The following RASA3 variants were observed in gnomAD, a reference collection of about 807,000 sequenced individuals.
The protein encoded by RASA3 is ras GTPase-activating protein 3.
A neutral mutation model predicts 110.0 loss-of-function variants in RASA3; 73 were observed. The observed-to-expected ratio is 0.66, with a 90% CI of 0.55 to 0.81. RASA3 has a LOEUF of 0.81. RASA3 is among the 30% of genes least tolerant of loss of function. The probability of loss-of-function intolerance (pLI) is 0.00; values close to 1 mark genes in which losing one functional copy is unlikely to be tolerated. For missense variants in RASA3, 976 were observed against 1,113.2 expected, an observed-to-expected ratio of 0.88 and a Z score of 1.75; for synonymous variants, 500 against 451.4, an observed-to-expected ratio of 1.11 and a Z score of -1.37.
intron 8 of RASA3, 75 bp downstream of exon 8, chr13:114,024,204 G>A: frequency 3.7e-6 from 5 of 1,348,738 alleles, no homozygotes; most frequent in Non-Finnish European, 5.3e-6. Flanking sequence ...CCTATATTTA[G>A]TAACAAAGAA....
At position 114,114,587 on chromosome 13, in the gene RASA3, G is replaced by C. The variant is rs1044210296; in HGVS notation, c.55+17848C>G. Among the ~76,000 whole-genome samples the C allele has an allele frequency of 2.0e-5, 3 of 151,442 alleles. No individual in the cohort carries two copies. The highest frequency in any genetic ancestry group is 2.9e-5 in the Non-Finnish European group (2 of 67,966). ...TTTACTTAAATAACAGCATATTCTC[G>C]TCTGGTCTTTAAACCACACAGGCCA... On this transcript the variant is annotated intron_variant, in intron 1 of 23. Transcript: ENST00000334062. This position sits in a 1 kb window ranked among gnomAD's most constrained non-coding sequence, Gnocchi z 4.8.
intron 21 of RASA3, 52 bp from the exon 22 acceptor site, chr13:113,992,640 C>A: frequency 7.8e-7 from 1 of 1,284,102 alleles, no homozygotes; most frequent in Non-Finnish European, 1.1e-6. Context: ...TTAAACGATG[C>A]TTTTAATAAT....
intron 22 of RASA3, among the ~76,000 whole-genome samples, chr13:113,982,444 C>A (rs1207850109): frequency 6.6e-6 from 1 of 152,248 alleles, no homozygotes; most frequent in Non-Finnish European, 1.5e-5. Context: ...ACCTACGCAC[C>A]GGGGCCACCT....
At position 114,132,386 on chromosome 13, in the gene RASA3, A is replaced by G. The variant is rs762183561; in HGVS notation, c.55+49T>C. On this transcript the variant is annotated intron_variant, in intron 1 of 23. Coordinates refer to ENST00000334062, the MANE Select transcript of RASA3 (RefSeq NM_007368.4). ...GGAGGGGAGGCGGGCGCGGGAGAGG[A>G]CAGGGTCGGGCCGGGGGGTCGGACG... The G allele has an allele frequency of 5.4e-6, 8 of 1,468,614 alleles. No homozygotes were observed. In the South Asian group the frequency reaches 9.2e-5, roughly 17 times the overall value. 91.0% of individuals were successfully genotyped at this position (1,468,614 alleles called of 1,614,324 possible).
Position 113,991,559 on chromosome 13 carries a change from T to C in RASA3, c.2245+926A>G, listed in dbSNP as rs375503987. 2.0e-5 allele frequency among the ~76,000 whole-genome samples: 3 copies of C among 152,202 alleles called. No individual in the cohort carries two copies. The East Asian group carries it at 5.8e-4, about 29-fold the overall frequency. The stretch of plus-strand genomic sequence containing the variant: ...GGGCTTTTCTTGTCTCTGCCTCTCC[T>C]GAATCACAGACCTCAAACCACTGTC... On this transcript the variant is annotated intron_variant, in intron 22 of 23. Transcript: ENST00000334062.
chr13:114,042,886 C>G (rs1285573931), intron 3 of RASA3, among the ~76,000 whole-genome samples: 2 of 152,218 alleles, frequency 1.3e-5, no homozygotes, highest in Non-Finnish European at 2.9e-5. Context: ...GCAGGTACCA[C>G]TCTGCACACC....
At chr13:114,128,269 C>A (rs1419091377) in intron 1 of RASA3, among the ~76,000 whole-genome samples, 2 of 152,246 alleles carry the variant, frequency 1.3e-5, no homozygotes, top group African/African-American at 4.8e-5. Context: ...TCACAAAACA[C>A]TTCTCTTACC....
At chr13:114,079,559 G>A (rs2079747817) in intron 1 of RASA3, among the ~76,000 whole-genome samples, 1 of 152,216 alleles carries the variant, frequency 6.6e-6, no homozygotes, top group African/African-American at 2.4e-5. Flanking sequence ...CTGAATAAAG[G>A]ATGAAGAGCC....
At chr13:114,091,573 C>G (rs182932759) in intron 1 of RASA3, among the ~76,000 whole-genome samples, 14 of 151,220 alleles carry the variant, frequency 9.3e-5, no homozygotes, top group African/African-American at 3.4e-4. Context: ...ACCTGTCATG[C>G]TGAATGGTCT....
chr13:114,117,216 G>A (rs1289296606), intron 1 of RASA3, among the ~76,000 whole-genome samples: 3 of 92,964 alleles, frequency 3.2e-5, no homozygotes, highest in East Asian at 3.2e-4. Context: ...AGGGGTGCAC[G>A]TGTGTGAGGG....
Position 114,011,150 on chromosome 13 carries a change from A to C in RASA3, c.1590+21T>G, listed in dbSNP as rs767676802. ...AGAATCAGTTGTCCCTAAAAAGAGA[A>C]AATGAAGAAGAGGGACTCACAGATT... On this transcript the variant is annotated intron_variant, in intron 16 of 23. Coordinates refer to ENST00000334062, the MANE Select transcript of RASA3 (RefSeq NM_007368.4). This position sits in a 1 kb window ranked among gnomAD's most constrained non-coding sequence, Gnocchi z 4.8. 8 of 1,586,496 alleles carry C rather than the reference A, an allele frequency of 5.0e-6. No homozygotes were observed. The East Asian group carries it at 1.3e-4, about 27-fold the overall frequency.
At chr13:114,077,918 C>G in intron 1 of RASA3, 9 of 985,150 alleles carry the variant, frequency 9.1e-6, no homozygotes, top group Non-Finnish European at 1.1e-5. Flanking sequence ...GCCCATTTCC[C>G]TGCCTCAGGC....
chr13:114,079,383 C>A (rs1594434386), intron 1 of RASA3, among the ~76,000 whole-genome samples: 2 of 152,198 alleles, frequency 1.3e-5, no homozygotes, highest in Admixed American at 6.5e-5. Context: ...GGGAAGGAGA[C>A]CCTGCGGGAG....
chr13:114,036,804 T>C (rs868733968), intron 4 of RASA3, among the ~76,000 whole-genome samples: 1 of 152,180 alleles, frequency 6.6e-6, no homozygotes, highest in Non-Finnish European at 1.5e-5. Flanking sequence ...CCCAAAGTGC[T>C]GGAATTACAA....
At chr13:114,027,773 T>C (rs2054054103) in intron 6 of RASA3, 74 bp downstream of exon 6, 1 of 1,438,716 alleles carries the variant, frequency 7.0e-7, no homozygotes. Flanking sequence ...AATGAGGCAG[T>C]GGTCTCGTGA....
Position 114,018,935 on chromosome 13 carries a change from A to G in RASA3, c.786-16T>C, listed in dbSNP as rs746901658. 6.2e-7 allele frequency: 1 copy of G among 1,613,052 alleles called. No individual in the cohort carries two copies. The highest frequency in any genetic ancestry group is 8.5e-7 in the Non-Finnish European group (1 of 1,179,830). ...GAGGAAGTACCTGGGTGGGAGGGAC[A>G]CATGGAGGGGAGGCATGAGGCTGCA... On this transcript the variant is annotated splice_polypyrimidine_tract_variant and intron_variant, in intron 9 of 23. Coordinates refer to ENST00000334062, the MANE Select transcript of RASA3 (RefSeq NM_007368.4).
chr13:114,101,664 C>T (rs1021951266), intron 1 of RASA3, among the ~76,000 whole-genome samples: 4 of 152,194 alleles, frequency 2.6e-5, no homozygotes, highest in Admixed American at 6.5e-5. Flanking sequence ...GTGAAATACA[C>T]GAAACCCGAA....
intron 19 of RASA3, among the ~76,000 whole-genome samples, chr13:114,000,568 C>T (rs1331704746): frequency 6.6e-6 from 1 of 152,216 alleles, no homozygotes; most frequent in Non-Finnish European, 1.5e-5. Flanking sequence ...AAGCACCTTA[C>T]TGATGTGGTC....
At chr13:114,049,029 C>T (rs1394399750) in intron 3 of RASA3, among the ~76,000 whole-genome samples, 1 of 152,060 alleles carries the variant, frequency 6.6e-6, no homozygotes, top group Admixed American at 6.6e-5. Context: ...AACCCACACC[C>T]CCGACCCCAT....
Sources: allele counts gnomAD v4.1 joint callset (sites outside exome capture counted in the v4.1 genomes callset), GRCh38; gene constraint gnomAD v4.1.1; non-coding constraint Gnocchi (gnomAD v3.1); transcripts MANE v1.5; gene names NCBI Gene and HGNC (gene_info 2026-07-23, HGNC 2026-07-21).